The following KIAA1217 variants were observed in gnomAD, a reference collection of about 807,000 sequenced individuals.
KIAA1217 encodes sickle tail protein homolog.
Under a neutral mutation model 163.9 loss-of-function variants are expected in KIAA1217, and 88 were observed. The observed-to-expected ratio is 0.54, with a 90% CI of 0.45 to 0.64. KIAA1217 has a LOEUF of 0.64. KIAA1217 is among the 30% of genes least tolerant of loss of function. The pLI is 0.00. For synonymous variants in KIAA1217, 903 were observed against 923.1 expected, an observed-to-expected ratio of 0.98 and a Z score of 0.39; for missense variants, 2,372 against 2,475.0, an observed-to-expected ratio of 0.96 and a Z score of 0.88.
intron 1 of KIAA1217, among the ~76,000 whole-genome samples, chr10:23,765,374 C>T (rs1046989015): frequency 1.6e-4 from 24 of 151,676 alleles, no homozygotes; most frequent in Non-Finnish European, 2.4e-4. Flanking sequence ...GGGGTTTCAC[C>T]GTGTTAGCCA....
At chr10:24,462,476 G>A (rs1403476862) in intron 5 of KIAA1217, among the ~76,000 whole-genome samples, 4 of 152,208 alleles carry the variant, frequency 2.6e-5, no homozygotes, top group African/African-American at 4.8e-5. Context: ...ATAGCTTGCA[G>A]TGTCCTGAAG....
chr10:23,817,995 A>G (rs1400052100), intron 1 of KIAA1217, among the ~76,000 whole-genome samples: 3 of 126,910 alleles, frequency 2.4e-5, no homozygotes, highest in African/African-American at 9.8e-5. Context: ...ATATATATAT[A>G]TATATATATA....
intron 2 of KIAA1217, among the ~76,000 whole-genome samples, chr10:24,350,615 T>G (rs947857046): frequency 3.9e-5 from 6 of 152,222 alleles, no homozygotes; most frequent in Non-Finnish European, 8.8e-5. Context: ...AAGATTCTAC[T>G]TCTTTTATTT....
chr10:24,516,253 C>T (rs1429332612), intron 10 of KIAA1217, among the ~76,000 whole-genome samples: 31 of 152,178 alleles, frequency 2.0e-4, no homozygotes, highest in Admixed American at 2.0e-3. Flanking sequence ...GGGAGCAGTC[C>T]AGTTAGGCAG....
At chr10:24,222,350 A>G (rs1463804429) in intron 2 of KIAA1217, among the ~76,000 whole-genome samples, 1 of 152,200 alleles carries the variant, frequency 6.6e-6, no homozygotes, top group Non-Finnish European at 1.5e-5. Flanking sequence ...AGAGTTTTTA[A>G]TGCATGAATC....
intron 1 of KIAA1217, among the ~76,000 whole-genome samples, chr10:23,915,319 G>A (rs1397618945): frequency 6.6e-6 from 1 of 152,168 alleles, no homozygotes; most frequent in African/African-American, 2.4e-5. Flanking sequence ...CTGAGATGTA[G>A]ATGGGAAAAC....
At chr10:24,265,307 A>G (rs1818234163) in intron 2 of KIAA1217, among the ~76,000 whole-genome samples, 1 of 152,238 alleles carries the variant, frequency 6.6e-6, no homozygotes, top group Admixed American at 6.5e-5. Flanking sequence ...AGGTCAAATA[A>G]CAATCGTCTT....
intron 1 of KIAA1217, among the ~76,000 whole-genome samples, chr10:23,823,300 C>T (rs949223835): frequency 1.3e-5 from 2 of 152,222 alleles, no homozygotes; most frequent in African/African-American, 4.8e-5. Context: ...CAGCTGGGGA[C>T]CACCCTTGGC....
intron 1 of KIAA1217, among the ~76,000 whole-genome samples, chr10:23,994,719 C>A (rs536084838): frequency 4.6e-5 from 7 of 152,308 alleles, no homozygotes; most frequent in Non-Finnish European, 8.8e-5. Context: ...AAATCCGAAC[C>A]ATACAACTTT....
intron 1 of KIAA1217, among the ~76,000 whole-genome samples, chr10:23,700,917 GAT>G (rs1836402596): frequency 7.7e-6 from 1 of 129,048 alleles, no homozygotes; most frequent in South Asian, 2.4e-4. Flanking sequence ...TAAAGGAAGA[GAT>G]TTTTTTTTTC....
At chr10:23,896,795 A>G (rs1841725236) in intron 1 of KIAA1217, among the ~76,000 whole-genome samples, 1 of 152,024 alleles carries the variant, frequency 6.6e-6, no homozygotes, top group South Asian at 2.1e-4. Flanking sequence ...TAAATTTTTG[A>G]AGTTTGTTAA....
At chr10:24,094,358 G>A (rs887888407) in intron 2 of KIAA1217, among the ~76,000 whole-genome samples, 13 of 152,056 alleles carry the variant, frequency 8.5e-5, no homozygotes, top group Non-Finnish European at 1.9e-4. Flanking sequence ...CCATCTTTGT[G>A]GTTTTATCTA....
At chr10:23,939,135 G>A (rs1388663057) in intron 1 of KIAA1217, among the ~76,000 whole-genome samples, 8 of 152,030 alleles carry the variant, frequency 5.3e-5, no homozygotes, top group South Asian at 4.2e-4. Flanking sequence ...CAACAAACAC[G>A]TATAATGTAA....
intron 2 of KIAA1217, among the ~76,000 whole-genome samples, chr10:24,020,996 A>G (rs1847708130): frequency 6.6e-6 from 1 of 152,018 alleles, no homozygotes; most frequent in South Asian, 2.1e-4. Context: ...ATAGTCGTCA[A>G]TGAAGCTAAT....
intron 2 of KIAA1217, among the ~76,000 whole-genome samples, chr10:24,126,052 C>G (rs1204017786): frequency 6.6e-6 from 1 of 152,090 alleles, no homozygotes; most frequent in Non-Finnish European, 1.5e-5. Flanking sequence ...TCCTCCTTGT[C>G]TCAAAGTAAC....
At chr10:24,528,381 G>T (rs2072562451) in intron 14 of KIAA1217, among the ~76,000 whole-genome samples, 2 of 150,270 alleles carry the variant, frequency 1.3e-5, no homozygotes, top group Non-Finnish European at 3.0e-5. Flanking sequence ...GAGTGTAGTG[G>T]TATGATCTTA....
At position 24,546,313 on chromosome 10, in the gene KIAA1217, G is replaced by T. The variant is rs2075719972; in HGVS notation, c.5821G>T (p.Glu1941Ter). ...SSKATPSTAK[E>*]TS is the part of the protein sequence containing the mutation. ...CAAAGCCACCCCATCCACAGCAAAA[G>T]AAACCTCTTAAAGGTCAAATCCTAT... The change falls in exon 21 of 21, where the codon GAA (glutamate) becomes TAA (stop). Residue 1941 changes from glutamate (E) to a stop codon, truncating the protein, a stop_gained. Coordinates refer to ENST00000376454, the MANE Select transcript of KIAA1217 (RefSeq NM_019590.5). LOFTEE classifies it high-confidence loss of function. 6.3e-7 allele frequency: 1 copy of T among 1,596,754 alleles called. No homozygotes were observed. The highest frequency in any genetic ancestry group is 8.5e-7 in the Non-Finnish European group (1 of 1,171,688).
intron 1 of KIAA1217, among the ~76,000 whole-genome samples, chr10:23,853,692 G>T (rs1444723424): frequency 6.6e-6 from 1 of 152,080 alleles, no homozygotes; most frequent in Non-Finnish European, 1.5e-5. Flanking sequence ...CAATTTCAGA[G>T]CCTGTTATTG....
At chr10:24,417,786 G>T (rs79985871) in intron 3 of KIAA1217, among the ~76,000 whole-genome samples, 1 of 151,670 alleles carries the variant, frequency 6.6e-6, no homozygotes, top group Non-Finnish European at 1.5e-5. Flanking sequence ...TAGGGTGTCC[G>T]TCCTGTGAAA....
Sources: gnomAD v4.1 joint callset for allele counts (sites outside exome capture counted in the v4.1 genomes callset) on GRCh38, gnomAD v4.1.1 for gene constraint, MANE v1.5 for transcripts, NCBI Gene and HGNC (gene_info 2026-07-23, HGNC 2026-07-21) for gene names.